Variants in LRRTM4 observed in about 807,000 individuals in gnomAD.
LRRTM4 encodes leucine-rich repeat transmembrane neuronal protein 4.
A neutral mutation model predicts 47.6 loss-of-function variants in LRRTM4; 25 were observed. The ratio of observed to expected loss-of-function variants is 0.53; its 90% confidence interval spans 0.38 to 0.73. The LOEUF is 0.73. Ranked by LOEUF, LRRTM4 falls within the 30% of genes least tolerant of loss-of-function variation. The pLI, the probability that LRRTM4 is intolerant of heterozygous loss-of-function variation, is 0.00. For missense variants in LRRTM4, 638 were observed against 713.4 expected, an observed-to-expected ratio of 0.89 and a Z score of 1.20; for synonymous variants, 311 against 269.5, an observed-to-expected ratio of 1.15 and a Z score of -1.51.
chr2:76,910,544 G>C (rs545712733), intron 3 of LRRTM4, among the ~76,000 whole-genome samples: 1 of 152,172 alleles, frequency 6.6e-6, no homozygotes, highest in South Asian at 2.1e-4. Flanking sequence ...TTATTACGAA[G>C]AAATATTTGT....
intron 3 of LRRTM4, among the ~76,000 whole-genome samples, chr2:77,471,338 T>C (rs1677180950): frequency 6.6e-6 from 1 of 152,196 alleles, no homozygotes; most frequent in South Asian, 2.1e-4. Flanking sequence ...CTAACCATCC[T>C]GGCTCAAAAT....
chr2:77,277,910 G>T (rs970825235), intron 3 of LRRTM4, among the ~76,000 whole-genome samples: 2 of 151,992 alleles, frequency 1.3e-5, no homozygotes, highest in African/African-American at 2.4e-5. Flanking sequence ...GCCCTTATTA[G>T]GTCCATAAGA....
At chr2:76,996,562 T>TA (rs5832264) in intron 3 of LRRTM4, among the ~76,000 whole-genome samples, 9 of 151,680 alleles carry the variant, frequency 5.9e-5, no homozygotes, top group Non-Finnish European at 1.3e-4. Context: ...ACAGGAAAAA[T>TA]AAAAAAATGA....
At chr2:77,039,409 A>T (rs955759351) in intron 3 of LRRTM4, among the ~76,000 whole-genome samples, 1 of 151,050 alleles carries the variant, frequency 6.6e-6, no homozygotes, top group South Asian at 2.1e-4. Context: ...AGCTCTGTTT[A>T]AAAAAGTTAG....
At chr2:77,146,738 A>G (rs897002928) in intron 3 of LRRTM4, among the ~76,000 whole-genome samples, 1 of 152,150 alleles carries the variant, frequency 6.6e-6, no homozygotes, top group Non-Finnish European at 1.5e-5. Flanking sequence ...ATTCTATTTT[A>G]GGGTGATGGT....
chr2:77,027,637 A>C (rs983525999), intron 3 of LRRTM4, among the ~76,000 whole-genome samples: 7 of 152,210 alleles, frequency 4.6e-5, no homozygotes, highest in African/African-American at 1.4e-4. Context: ...TTTCTGAATC[A>C]CTAAGAGCCT....
chr2:77,139,593 C>G (rs1279020851), intron 3 of LRRTM4, among the ~76,000 whole-genome samples: 1 of 152,158 alleles, frequency 6.6e-6, no homozygotes, highest in East Asian at 1.9e-4. Context: ...TCTCTCACTA[C>G]TCCTATTCAA....
At chr2:77,346,250 G>A (rs1345878557) in intron 3 of LRRTM4, among the ~76,000 whole-genome samples, 3 of 152,120 alleles carry the variant, frequency 2.0e-5, no homozygotes, top group Admixed American at 2.0e-4. Flanking sequence ...ACCACAAAAA[G>A]TGGTACTTGG....
intron 3 of LRRTM4, among the ~76,000 whole-genome samples, chr2:77,120,210 A>C (rs770491995): frequency 6.6e-6 from 1 of 151,846 alleles, no homozygotes; most frequent in South Asian, 2.1e-4. Flanking sequence ...CTTAGAACTC[A>C]TCAGTAGTTT....
chr2:76,875,298 C>G (rs1046409224), intron 3 of LRRTM4, among the ~76,000 whole-genome samples: 9 of 152,110 alleles, frequency 5.9e-5, no homozygotes, highest in African/African-American at 2.2e-4. Flanking sequence ...TCTACCACAT[C>G]CTGATTTCCC....
intron 3 of LRRTM4, among the ~76,000 whole-genome samples, chr2:77,406,619 T>C (rs1228666748): frequency 6.6e-6 from 1 of 152,068 alleles, no homozygotes; most frequent in Non-Finnish European, 1.5e-5. Flanking sequence ...TCTCTTTTAG[T>C]AATATTAAAG....
chr2:76,915,024 C>A (rs13423635), intron 3 of LRRTM4, among the ~76,000 whole-genome samples: 52,851 of 151,868 alleles, frequency 0.35, 9,874 homozygotes, highest in East Asian at 0.69. Context: ...CCGAATCAGG[C>A]AAAGAGTGCC....
chr2:76,797,879 A>G (rs1219365776), intron 3 of LRRTM4, among the ~76,000 whole-genome samples: 1 of 151,960 alleles, frequency 6.6e-6, no homozygotes, highest in South Asian at 2.1e-4. Flanking sequence ...AGGCCATTAC[A>G]TGATGGTAAA....
At chr2:77,256,453 C>T (rs1168469692) in intron 3 of LRRTM4, among the ~76,000 whole-genome samples, 1 of 152,016 alleles carries the variant, frequency 6.6e-6, no homozygotes, top group East Asian at 1.9e-4. Context: ...GTTGTAGCTC[C>T]CACAATTCCC....
chr2:76,782,069 T>C lies in LRRTM4; in HGVS notation c.1552-33153A>G, dbSNP rs1329743258. Among the ~76,000 whole-genome samples the C allele has an allele frequency of 2.6e-5, 4 of 152,334 alleles. No homozygotes were observed. The East Asian group carries it at 7.7e-4, about 29-fold the overall frequency. On this transcript the variant is annotated intron_variant, in intron 3 of 3. Transcript: ENST00000409884. Reference sequence around the variant, plus strand: ...TGCTTTAAGTTGTCATAGAATGACTTCATTTTTTCCTCAAATTATATTAGA... The same window carrying C: ...TGCTTTAAGTTGTCATAGAATGACTCCATTTTTTCCTCAAATTATATTAGA...
Position 77,189,710 on chromosome 2 carries a change from T to TATA in LRRTM4, c.1551+328607_1551+328608insTAT, listed in dbSNP as rs570276025. Among the ~76,000 whole-genome samples, 327 of 152,246 alleles carry TATA rather than the reference T, an allele frequency of 2.1e-3. 2 individuals carry two copies. The highest frequency in any genetic ancestry group is 7.4e-3 in the African/African-American group (309 of 41,552). On this transcript the variant is annotated intron_variant, in intron 3 of 3. Transcript: ENST00000409884. ...TTTAAGTCACTAGTCTATGCTAATT[T>TATA]GTTATAGAAGCCTGAACTTACTTTA...
In LRRTM4 at chr2:77,211,423, G is replaced by A. The variant is rs1166595037; in HGVS notation, c.1551+306895C>T. ...CATTAGAGAAAACTAATAGGAAGCC[G>A]CTGGGTGAGAGAACAGAGAAAGGGA... On this transcript the variant is annotated intron_variant, in intron 3 of 3. Coordinates refer to ENST00000409884, the MANE Select transcript of LRRTM4 (RefSeq NM_001134745.3). Among the ~76,000 whole-genome samples, 6 of 152,252 alleles carry A rather than the reference G, an allele frequency of 3.9e-5. No individual in the cohort carries two copies. The East Asian group carries it at 5.8e-4, about 15-fold the overall frequency.
chr2:77,122,440 T>G (rs1028124661), intron 3 of LRRTM4, among the ~76,000 whole-genome samples: 1 of 150,542 alleles, frequency 6.6e-6, no homozygotes, highest in Non-Finnish European at 1.5e-5. Context: ...TGTATAGATA[T>G]ACATATTATA....
chr2:76,902,272 A>G (rs1009912584), intron 3 of LRRTM4, among the ~76,000 whole-genome samples: 2 of 152,186 alleles, frequency 1.3e-5, no homozygotes, highest in Admixed American at 6.5e-5. Flanking sequence ...TACCTGCCAC[A>G]TTATAAACAG....
Sources: allele counts gnomAD v4.1 joint callset (sites outside exome capture counted in the v4.1 genomes callset), GRCh38; gene constraint gnomAD v4.1.1; transcripts MANE v1.5; gene names NCBI Gene and HGNC (gene_info 2026-07-23, HGNC 2026-07-21).